The following PTCH1 variants were observed in gnomAD, a reference collection of about 807,000 sequenced individuals.
PTCH1 encodes protein patched homolog 1.
Under a neutral mutation model 144.6 loss-of-function variants are expected in PTCH1, and 14 were observed. That is an observed-to-expected ratio of 0.10 (90% CI 0.06 to 0.15). The LOEUF (loss-of-function observed/expected upper bound fraction) is 0.15, where lower values mean the gene tolerates loss of function less well. PTCH1 is among the 10% of genes least tolerant of loss of function. PTCH1 has a pLI of 1.00. For missense variants in PTCH1, 1,623 were observed against 1,948.3 expected (o/e 0.83, Z 3.14); for synonymous variants, 833 against 793.6 (o/e 1.05, Z -0.83).
upstream of PTCH1, among the ~76,000 whole-genome samples, chr9:95,511,143 G>A (rs1368184022): frequency 6.7e-6 from 1 of 149,798 alleles, no homozygotes; most frequent in African/African-American, 2.4e-5. Flanking sequence ...CTGCCCGGGC[G>A]CGCTGGGGGC....
intron 20 of PTCH1, 81 bp downstream of exon 20, chr9:95,453,397 T>G (rs1394647731): frequency 1.0e-5 from 16 of 1,599,178 alleles, no homozygotes; most frequent in Admixed American, 1.7e-5. Context: ...CCTAAAGTGC[T>G]GGGATTACAG....
At chr9:95,475,680 G>A (rs1165033442) in intron 12 of PTCH1, among the ~76,000 whole-genome samples, 1 of 152,128 alleles carries the variant, frequency 6.6e-6, no homozygotes, top group Non-Finnish European at 1.5e-5. Flanking sequence ...AGTGGTGTTT[G>A]GAAGCAGGGG....
chr9:95,489,895 G>T (rs1588631037), intron 2 of PTCH1, among the ~76,000 whole-genome samples: 1 of 151,256 alleles, frequency 6.6e-6, no homozygotes, highest in African/African-American at 2.4e-5. Flanking sequence ...CTGCCTCCAG[G>T]GTTCACGCCA....
chr9:95,516,348 C>G, intron 1 of PTCH1: 1 of 749,986 alleles, frequency 1.3e-6, no homozygotes, highest in East Asian at 7.0e-5. Flanking sequence ...GCCCGGCGCT[C>G]GGGGCTCGCT....
At chr9:95,503,683 A>G (rs1843308092) in intron 2 of PTCH1, among the ~76,000 whole-genome samples, 1 of 152,198 alleles carries the variant, frequency 6.6e-6, no homozygotes, top group Non-Finnish European at 1.5e-5. Flanking sequence ...AAATGGGACA[A>G]TCCTCATCAT....
intron 12 of PTCH1, chr9:95,474,067 C>T (rs1418303516): frequency 4.0e-6 from 2 of 501,434 alleles, no homozygotes; most frequent in African/African-American, 3.9e-5. Flanking sequence ...GTAAGGAAAC[C>T]TCATGTAGCT....
At chr9:95,474,883 G>A (rs16909906) in intron 12 of PTCH1, among the ~76,000 whole-genome samples, 6,571 of 152,060 alleles carry the variant, frequency 0.043, 478 homozygotes, top group African/African-American at 0.15. Flanking sequence ...TGAGTGTGCC[G>A]GGCATCCTAA....
chr9:95,485,363 TCTCCA>T (rs1841882092), intron 3 of PTCH1, among the ~76,000 whole-genome samples: 1 of 152,028 alleles, frequency 6.6e-6, no homozygotes, highest in East Asian at 1.9e-4. Flanking sequence ...AAAATATCAC[TCTCCA>T]AAAATCTCTT....
At chr9:95,516,564 C>T in exon 1 of PTCH1, 1 of 1,557,286 alleles carries the variant, frequency 6.4e-7, no homozygotes, top group African/African-American at 1.4e-5. Context: ...TCCCTGGCCC[C>T]CCTTTCCTCG....
chr9:95,515,527 C>T (rs1844324659), intron 1 of PTCH1, among the ~76,000 whole-genome samples: 1 of 152,234 alleles, frequency 6.6e-6, no homozygotes, highest in Non-Finnish European at 1.5e-5. Context: ...TCATTTTAAA[C>T]ATGAACGTAC....
chr9:95,492,424 T>C (rs550218374), intron 2 of PTCH1, among the ~76,000 whole-genome samples: 2 of 152,316 alleles, frequency 1.3e-5, no homozygotes, highest in East Asian at 1.9e-4. Context: ...CACAACCAGA[T>C]TGTCCACATG....
intron 20 of PTCH1, 176 bp downstream of exon 20, chr9:95,453,302 T>G: frequency 1.1e-6 from 1 of 883,824 alleles, no homozygotes; most frequent in Non-Finnish European, 1.7e-6. Flanking sequence ...CGGCTAATTT[T>G]TGTATTTTGA....
intron 12 of PTCH1, among the ~76,000 whole-genome samples, chr9:95,471,652 G>A (rs1382934179): frequency 6.6e-6 from 1 of 152,248 alleles, no homozygotes; most frequent in East Asian, 1.9e-4. Flanking sequence ...ATGGCGTCAT[G>A]AAGGCAGGTG....
In PTCH1 at chr9:95,469,139, C is replaced by G. The variant is rs751536947; in HGVS notation, c.1862G>C (p.Arg621Thr). The change falls in exon 14 of 24, where the codon AGA (arginine) becomes ACA (threonine). Residue 621 changes from arginine to threonine, a missense_variant. Physicochemically the swap from Arg to Thr is moderately conservative, Grantham distance 71. This residue lies in a region of PTCH1 where 179 missense variants were observed against 165.7 expected (regional missense o/e 1.08). Coordinates refer to ENST00000331920, the MANE Select transcript of PTCH1 (RefSeq NM_000264.5). ...GGCCTGAGGTTCAACCTGAATCACT[C>G]TGCTGACGCAGGGGCTGAAAGGAGG... The part of the protein sequence containing the change: ...FCCFTSPCVS[R>T]VIQVEPQAYT... 2 of 1,614,092 alleles carry G rather than the reference C, an allele frequency of 1.2e-6. No homozygotes were observed. The highest frequency in any genetic ancestry group is 8.5e-7 in the Non-Finnish European group (1 of 1,180,032).
chr9:95,501,269 A>G (rs542152851), intron 2 of PTCH1, among the ~76,000 whole-genome samples: 3 of 152,090 alleles, frequency 2.0e-5, no homozygotes, highest in African/African-American at 7.2e-5. Flanking sequence ...TGCTACTGGC[A>G]TCTAGTAGGT....
intron 7 of PTCH1, among the ~76,000 whole-genome samples, chr9:95,479,692 A>G (rs56328623): frequency 2.6e-5 from 4 of 152,228 alleles, no homozygotes; most frequent in Admixed American, 6.5e-5. Flanking sequence ...ACCTGCTCCC[A>G]TTCTCTACCT....
intron 22 of PTCH1, 56 bp from the exon 23 acceptor site, chr9:95,447,507 C>T (rs1045913368): frequency 1.3e-5 from 19 of 1,475,498 alleles, no homozygotes; most frequent in South Asian, 5.4e-5. Flanking sequence ...GCATGGTCCC[C>T]GCAGCTCCCA....
chr9:95,466,296 C>G (rs577612900), intron 15 of PTCH1, among the ~76,000 whole-genome samples: 103 of 152,190 alleles, frequency 6.8e-4, no homozygotes, highest in Non-Finnish European at 1.2e-3. Context: ...ATCTGCCCGC[C>G]TTGGCATCCC....
Position 95,446,270 on chromosome 9 carries a change from T to C in PTCH1, c.*123A>G. 1 of 468,288 alleles carries C rather than the reference T, an allele frequency of 2.1e-6. No individual in the cohort carries two copies. Among genetic ancestry groups the C allele is most frequent in the Non-Finnish European group, 4.3e-6 (1 of 234,682 alleles). The allele number at this position is 468,288 out of a possible 1,614,324, so 29.0% of individuals were successfully genotyped here. A position where few individuals can be genotyped will look rare whatever the true frequency, so the allele number is the denominator to read the frequency against. ...ACAATCGGTTACAGTAACAATGAAC[T>C]GCTGTCCTGGCACAGGGCATCTTTT... On this transcript the variant is annotated 3_prime_UTR_variant, in exon 24 of 24. Coordinates refer to ENST00000331920, the MANE Select transcript of PTCH1 (RefSeq NM_000264.5).
Sources: allele counts gnomAD v4.1 joint callset (sites outside exome capture counted in the v4.1 genomes callset), GRCh38; gene constraint gnomAD v4.1.1; regional missense constraint gnomAD v4.1.1; transcripts MANE v1.5; gene names NCBI Gene and HGNC (gene_info 2026-07-23, HGNC 2026-07-21).